ADAMTSL3: variants seen among roughly 807,000 people sequenced by gnomAD.
The protein encoded by ADAMTSL3 is ADAMTS like 3.
A neutral mutation model predicts 201.7 loss-of-function variants in ADAMTSL3; 128 were observed. That is an observed-to-expected ratio of 0.63 (90% CI 0.55 to 0.73). The LOEUF (loss-of-function observed/expected upper bound fraction) is 0.73, where lower values mean the gene tolerates loss of function less well. Ranked by LOEUF, ADAMTSL3 falls within the 30% of genes least tolerant of loss-of-function variation. ADAMTSL3 has a pLI of 0.00. For missense variants in ADAMTSL3, 1,990 were observed against 2,119.6 expected, an observed-to-expected ratio of 0.94 and a Z score of 1.20; for synonymous variants, 738 against 748.4, an observed-to-expected ratio of 0.99 and a Z score of 0.23.
intron 2 of ADAMTSL3, among the ~76,000 whole-genome samples, chr15:83,682,098 A>T (rs1236223808): frequency 6.6e-6 from 1 of 152,166 alleles, no homozygotes; most frequent in African/African-American, 2.4e-5. Context: ...TGGGTATCTT[A>T]GTTACCTGAA....
In ADAMTSL3 at chr15:83,983,057, A is replaced by G. The variant is rs1160725257; in HGVS notation, c.3429A>G (p.Glu1143=). The change falls in exon 21 of 30, where the codon GAA becomes GAG. Residue 1143 remains glutamate, a synonymous_variant. Transcript: ENST00000286744. The stretch of plus-strand genomic sequence containing the variant: ...ACATGCAGTGGCGGGGCATCCAGGA[A>G]GAGACACCTCCTGCTGCTCAGCTCA... ...PTHMQWRGIQ[E]ETPPAAQLRG... is the part of the protein sequence containing the mutation. The G allele has an allele frequency of 2.5e-6, 4 of 1,614,034 alleles. No homozygotes were observed. Among genetic ancestry groups the G allele is most frequent in the East Asian group, 4.5e-5 (2 of 44,882 alleles).
At chr15:83,772,064 G>A (rs922817320) in intron 3 of ADAMTSL3, among the ~76,000 whole-genome samples, 8 of 152,066 alleles carry the variant, frequency 5.3e-5, no homozygotes, top group African/African-American at 1.9e-4. Flanking sequence ...ATGTTGCCCA[G>A]GCTGGTCTTG....
intron 3 of ADAMTSL3, among the ~76,000 whole-genome samples, chr15:83,756,581 C>T (rs1269914082): frequency 6.7e-6 from 1 of 149,076 alleles, no homozygotes; most frequent in Non-Finnish European, 1.5e-5. Context: ...CACAGCCAAA[C>T]CATATCATTT....
intron 23 of ADAMTSL3, among the ~76,000 whole-genome samples, chr15:83,993,419 T>A (rs949725393): frequency 3.9e-5 from 6 of 152,240 alleles, no homozygotes; most frequent in Admixed American, 2.6e-4. Flanking sequence ...ACAAATTACA[T>A]TTTTATATTG....
At chr15:83,994,597 T>G (rs546307425) in intron 23 of ADAMTSL3, among the ~76,000 whole-genome samples, 14 of 124,410 alleles carry the variant, frequency 1.1e-4, no homozygotes, top group African/African-American at 3.2e-4. Context: ...TTTTTTTTTT[T>G]TTTTTTTTTT....
chr15:83,806,637 T>G (rs1365153337), intron 5 of ADAMTSL3, among the ~76,000 whole-genome samples: 1 of 151,878 alleles, frequency 6.6e-6, no homozygotes, highest in Non-Finnish European at 1.5e-5. Context: ...GCAGGTAACT[T>G]GAAGTCAGGA....
At chr15:84,036,270 C>A (rs1345191924) in intron 28 of ADAMTSL3, among the ~76,000 whole-genome samples, 1 of 152,156 alleles carries the variant, frequency 6.6e-6, no homozygotes, top group Non-Finnish European at 1.5e-5. Context: ...TTTCTGACTG[C>A]AAGTCTTGGT....
At position 84,035,619 on chromosome 15, in the gene ADAMTSL3, C is replaced by T. The variant is rs191810160; in HGVS notation, c.4755-1154C>T. Among the ~76,000 whole-genome samples, 13 of 152,312 alleles carry T rather than the reference C, an allele frequency of 8.5e-5. No homozygotes were observed. In the East Asian group the frequency reaches 2.3e-3, roughly 27 times the overall value. ...CTAATGATAGGATTACTTCCAACTA[C>T]GTGCAATACTCTCAGAGTTCTTGGA... On this transcript the variant is annotated intron_variant, in intron 28 of 29. Coordinates refer to ENST00000286744, the MANE Select transcript of ADAMTSL3 (RefSeq NM_207517.3).
intron 8 of ADAMTSL3, among the ~76,000 whole-genome samples, chr15:83,866,620 G>T (rs2064984400): frequency 6.6e-6 from 1 of 151,934 alleles, no homozygotes; most frequent in East Asian, 1.9e-4. Flanking sequence ...GGGGTGGGGG[G>T]AGTGGGGAGG....
intron 29 of ADAMTSL3, among the ~76,000 whole-genome samples, 182 bp downstream of exon 29, chr15:84,037,169 A>G (rs1448492297): frequency 1.3e-5 from 2 of 152,182 alleles, no homozygotes; most frequent in Non-Finnish European, 2.9e-5. Flanking sequence ...ATGTGGGTGC[A>G]GCTGCATGTT....
intron 20 of ADAMTSL3, among the ~76,000 whole-genome samples, chr15:83,975,234 C>T (rs2067266393): frequency 6.6e-6 from 1 of 151,616 alleles, no homozygotes; most frequent in Non-Finnish European, 1.5e-5. Context: ...GATCTCCTGA[C>T]CTTGTGATCC....
At chr15:83,806,668 A>G (rs1438848641) in intron 5 of ADAMTSL3, among the ~76,000 whole-genome samples, 1 of 152,110 alleles carries the variant, frequency 6.6e-6, no homozygotes, top group Admixed American at 6.5e-5. Flanking sequence ...AGCCTGGCCA[A>G]CATGGTGAAA....
intron 8 of ADAMTSL3, among the ~76,000 whole-genome samples, chr15:83,859,178 C>G (rs897100062): frequency 2.0e-4 from 30 of 152,194 alleles, no homozygotes; most frequent in African/African-American, 7.0e-4. Flanking sequence ...CAAATTAATA[C>G]TGGAGGCTAC....
At position 83,808,062 on chromosome 15, in the gene ADAMTSL3, G is replaced by A. The variant is rs554785459; in HGVS notation, c.363+3367G>A. Among the ~76,000 whole-genome samples the A allele has an allele frequency of 1.1e-4, 17 of 152,308 alleles. No homozygotes were observed. The South Asian group carries it at 3.5e-3, about 32-fold the overall frequency. On this transcript the variant is annotated intron_variant, in intron 5 of 29. Coordinates refer to ENST00000286744, the MANE Select transcript of ADAMTSL3 (RefSeq NM_207517.3). ...GAAGAAAACAGAGAAAATGCTTCAT[G>A]ACGTTGGACTGGGTAAGGATTTTTA...
intron 9 of ADAMTSL3, among the ~76,000 whole-genome samples, chr15:83,874,642 G>A (rs1034702857): frequency 2.8e-5 from 4 of 143,528 alleles, no homozygotes; most frequent in African/African-American, 8.1e-5. Context: ...CAATAAAGCC[G>A]ATGGTCTCCC....
intron 3 of ADAMTSL3, among the ~76,000 whole-genome samples, chr15:83,731,969 T>C (rs746955471): frequency 3.3e-5 from 5 of 151,988 alleles, no homozygotes; most frequent in Admixed American, 6.6e-5. Context: ...GTTGCAGTTA[T>C]GTAGGATAAG....
chr15:84,014,815 G>A lies in ADAMTSL3; in HGVS notation c.4156+91G>A, dbSNP rs999925768. On this transcript the variant is annotated intron_variant, in intron 24 of 29. Coordinates refer to ENST00000286744, the MANE Select transcript of ADAMTSL3 (RefSeq NM_207517.3). ...TTGTTGATTTTGGAGTTGAGTGAAC[G>A]AGATGGACATCAGATGGTTTTAACC... 1.3e-4 allele frequency: 170 copies of A among 1,266,404 alleles called. No individual in the cohort carries two copies. The East Asian group carries it at 3.6e-3, about 27-fold the overall frequency. 78.4% of individuals were successfully genotyped at this position (1,266,404 alleles called of 1,614,324 possible).
intron 25 of ADAMTSL3, among the ~76,000 whole-genome samples, chr15:84,020,775 A>T (rs2068188884): frequency 6.6e-6 from 1 of 152,232 alleles, no homozygotes; most frequent in African/African-American, 2.4e-5. Context: ...TAAAATTTTT[A>T]AAAAGCTGGG....
At chr15:83,983,553 T>C (rs570094898) in intron 21 of ADAMTSL3, among the ~76,000 whole-genome samples, 1 of 152,280 alleles carries the variant, frequency 6.6e-6, no homozygotes, top group Admixed American at 6.5e-5. Flanking sequence ...ATCACTGTCG[T>C]AGAGGTGTGA....
Sources: allele counts gnomAD v4.1 joint callset (sites outside exome capture counted in the v4.1 genomes callset), GRCh38; gene constraint gnomAD v4.1.1; transcripts MANE v1.5; gene names NCBI Gene and HGNC (gene_info 2026-07-23, HGNC 2026-07-21).